Variants in PNPLA7 observed in about 807,000 individuals in gnomAD.
The protein encoded by PNPLA7 is patatin-like phospholipase domain-containing protein 7.
PNPLA7 carries 153 observed loss-of-function variants against 161.7 expected under a neutral mutation model. The observed-to-expected ratio is 0.95, with a 90% CI of 0.83 to 1.08. The LOEUF (loss-of-function observed/expected upper bound fraction) is 1.08. Among genes scored for constraint, PNPLA7 ranks in the 50% least tolerant of loss-of-function variants. PNPLA7 has a pLI of 0.00. For missense variants in PNPLA7, 1,739 were observed against 1,856.6 expected (o/e 0.94, Z 1.16); for synonymous variants, 809 against 782.1 (o/e 1.03, Z -0.57).
intron 8 of PNPLA7, among the ~76,000 whole-genome samples, chr9:137,533,557 C>T (rs1328213129): frequency 3.4e-5 from 5 of 148,106 alleles, no homozygotes; most frequent in Non-Finnish European, 7.4e-5. Flanking sequence ...TCCTCCCCAA[C>T]AATGTCCACT....
chr9:137,501,606 T>C, intron 15 of PNPLA7, 44 bp downstream of exon 15: 5 of 1,573,000 alleles, frequency 3.2e-6, no homozygotes, highest in South Asian at 1.1e-5. Flanking sequence ...CACTGGGCTA[T>C]GGCATTGGGT....
intron 11 of PNPLA7, among the ~76,000 whole-genome samples, chr9:137,519,424 GAAC>G (rs1009365595): frequency 1.6e-4 from 24 of 152,204 alleles, no homozygotes; most frequent in African/African-American, 5.3e-4. Context: ...AGAATTCTGG[GAAC>G]AACTGAAGAA....
Position 137,479,156 on chromosome 9 carries a change from G to T in PNPLA7, c.2663C>A (p.Ala888Glu). 2.5e-6 allele frequency: 4 copies of T among 1,575,160 alleles called. No individual in the cohort carries two copies. Among genetic ancestry groups the T allele is most frequent in the Admixed American group, 1.8e-5 (1 of 54,452 alleles). ...CATGTTGAGCCACTCCACGGTGCGCGCTGGCGCCGGGCCCTCCTCCCTGTG... is the reference window on the plus strand; with the variant it reads ...CATGTTGAGCCACTCCACGGTGCGCTCTGGCGCCGGGCCCTCCTCCCTGTG... Reference protein sequence around the residue: ...LLHREEGPAPARTVEWLNMRS... With the variant: ...LLHREEGPAPERTVEWLNMRS... Residue 888 changes from alanine (A) to glutamate (E), a missense_variant, in exon 24 of 35, where the codon GCG becomes GAG. Around this residue, in one of 6 missense-constraint regions of PNPLA7, gnomAD observed 703 missense variants for 694.6 expected, o/e 1.01. Transcript: ENST00000406427.
At chr9:137,545,457 A>G (rs572038952) in intron 4 of PNPLA7, among the ~76,000 whole-genome samples, 15 of 152,266 alleles carry the variant, frequency 9.9e-5, no homozygotes, top group African/African-American at 3.4e-4. Context: ...TGTTCCTAGA[A>G]AGCAGCTTTC....
At position 137,521,700 on chromosome 9, in the gene PNPLA7, A is replaced by G. The variant is rs750717742; in HGVS notation, c.893T>C (p.Leu298Pro). The change falls in exon 10 of 35, where the codon CTG (leucine) becomes CCG (proline). Residue 298 changes from leucine (L) to proline (P), a missense_variant. Physicochemically the swap from Leu to Pro is moderately conservative, Grantham distance 98. This residue lies in a region of PNPLA7 where 152 missense variants were observed against 193.5 expected (regional missense o/e 0.79). Transcript: ENST00000406427. ...CAGAGCCAGAAAGGTCACCCTCTGC[A>G]GCCGCACCATGATGATCTGCAAGAA... ...VRVVQIIMVR[L>P]QRVTFLALHN... is the part of the protein sequence containing the mutation. 34 of 1,611,172 alleles carry G rather than the reference A, an allele frequency of 2.1e-5. No individual in the cohort carries two copies. Among genetic ancestry groups the G allele is most frequent in the Non-Finnish European group, 2.9e-5 (34 of 1,179,804 alleles).
intron 26 of PNPLA7, among the ~76,000 whole-genome samples, chr9:137,466,124 C>T (rs530800605): frequency 3.9e-5 from 6 of 152,300 alleles, no homozygotes; most frequent in Admixed American, 6.5e-5. Context: ...GACAGCCCCA[C>T]GGCCCCCAGC....
intron 12 of PNPLA7, among the ~76,000 whole-genome samples, chr9:137,511,195 C>T (rs182554196): frequency 3.3e-5 from 5 of 152,078 alleles, no homozygotes; most frequent in South Asian, 2.1e-4. Flanking sequence ...GGAAGGCACC[C>T]GTTACTTAGT....
rs770282400 is a variant in PNPLA7 at position 137,462,164 on chromosome 9, G to A, written c.3645+15C>T. On this transcript the variant is annotated intron_variant, in intron 31 of 34. Coordinates refer to ENST00000406427, the MANE Select transcript of PNPLA7 (RefSeq NM_001098537.3). ...CCTCCGCCCGCCTCCGCCGCCGCGG[G>A]TGGCCGGCACTCACGCAGATCTCGT... is the stretch of plus-strand genomic sequence containing the variant. The A allele has an allele frequency of 1.3e-6, 2 of 1,555,142 alleles. No individual in the cohort carries two copies. Among genetic ancestry groups the A allele is most frequent in the East Asian group, 4.6e-5 (2 of 43,792 alleles).
At position 137,462,223 on chromosome 9, in the gene PNPLA7, C is replaced by A; in HGVS notation, c.3601G>T (p.Asp1201Tyr). The A allele has an allele frequency of 6.2e-7, 1 of 1,603,340 alleles. No homozygotes were observed. The highest frequency in any genetic ancestry group is 8.5e-7 in the Non-Finnish European group (1 of 1,174,236). Residue 1201 changes from aspartate to tyrosine, a missense_variant, in exon 31 of 35, where the codon GAC becomes TAC. By Grantham distance (160) the Asp-to-Tyr change is radical (BLOSUM62 -3). This residue lies in a region of PNPLA7 where 703 missense variants were observed against 694.6 expected (regional missense o/e 1.01). Transcript: ENST00000406427. Reference protein sequence around the residue: ...DYCEYLRPPIDSYSTLDFGKF... With the variant: ...DYCEYLRPPIYSYSTLDFGKF... ...CCGAAGTCCAGGGTGCTGTAGCTGTCGATGGGGGGGCGCAGGTACTCGCAG... is the reference window on the plus strand; with the variant it reads ...CCGAAGTCCAGGGTGCTGTAGCTGTAGATGGGGGGGCGCAGGTACTCGCAG...
intron 16 of PNPLA7, among the ~76,000 whole-genome samples, 161 bp from the exon 17 acceptor site, chr9:137,498,406 GC>G (rs1325779323): frequency 1.3e-5 from 2 of 152,250 alleles, no homozygotes; most frequent in Non-Finnish European, 2.9e-5. Flanking sequence ...CCAGTCAGCT[GC>G]CTGCCCCACG....
chr9:137,511,363 G>A (rs996188058), intron 12 of PNPLA7, among the ~76,000 whole-genome samples: 1 of 151,678 alleles, frequency 6.6e-6, no homozygotes, highest in African/African-American at 2.4e-5. Context: ...CCGTTACTTA[G>A]TGGACCTTGG....
chr9:137,492,269 C>T (rs987585625), intron 20 of PNPLA7: 1 of 985,220 alleles, frequency 1.0e-6, no homozygotes, highest in Non-Finnish European at 1.2e-6. Flanking sequence ...AGAGAGAGCA[C>T]TCTCCGCTCC....
intron 8 of PNPLA7, among the ~76,000 whole-genome samples, chr9:137,529,801 G>A (rs1353877280): frequency 2.0e-5 from 3 of 151,548 alleles, no homozygotes; most frequent in Non-Finnish European, 4.4e-5. Flanking sequence ...GGGATTACAG[G>A]CACACACCAC....
Position 137,547,097 on chromosome 9 carries a change from T to C in PNPLA7, c.194-188A>G, listed in dbSNP as rs1313390868. 6.6e-6 allele frequency among the ~76,000 whole-genome samples: 1 copy of C among 152,176 alleles called. No individual in the cohort carries two copies. Among genetic ancestry groups the C allele is most frequent in the African/African-American group, 2.4e-5 (1 of 41,450 alleles). ...AAAGGGGGCTCTCCCCTCTTCCCAC[T>C]GAAGCCTTGCTCAGGAGAGGAGAAC... On this transcript the variant is annotated intron_variant, in intron 3 of 34. Coordinates refer to ENST00000406427, the MANE Select transcript of PNPLA7 (RefSeq NM_001098537.3). This position sits in a 1 kb window ranked among gnomAD's most constrained non-coding sequence, Gnocchi z 4.6.
At chr9:137,491,956 G>T (rs765395703) in intron 20 of PNPLA7, 3 of 985,472 alleles carry the variant, frequency 3.0e-6, no homozygotes, top group Non-Finnish European at 3.6e-6. Flanking sequence ...TGCAGGACAC[G>T]CGGGAGCAGC....
rs1831575814 is a variant in PNPLA7, at chr9:137,468,492, C to T, written c.2883-1019G>A. On this transcript the variant is annotated intron_variant, in intron 25 of 34. Coordinates refer to ENST00000406427, the MANE Select transcript of PNPLA7 (RefSeq NM_001098537.3). The surrounding 1 kb of genome is among the most constrained non-coding windows in gnomAD (Gnocchi z 4.0). ...GGGTACAAAGTAGACAAGGGAAGAGCACCCAGCTCTAAGGAGGGAGCTCGG... is the reference window on the plus strand; with the variant it reads ...GGGTACAAAGTAGACAAGGGAAGAGTACCCAGCTCTAAGGAGGGAGCTCGG... Among the ~76,000 whole-genome samples, 1 of 152,202 alleles carries T rather than the reference C, an allele frequency of 6.6e-6. No homozygotes were observed. The highest frequency in any genetic ancestry group is 2.1e-4 in the South Asian group (1 of 4,826).
At position 137,467,464 on chromosome 9, in the gene PNPLA7, G is replaced by A. The variant is rs558615529; in HGVS notation, c.2892C>T (p.Ala964=). 172 of 1,612,894 alleles carry A rather than the reference G, an allele frequency of 1.1e-4. No individual in the cohort carries two copies. In the Middle Eastern group the frequency reaches 1.6e-3, roughly 15 times the overall value. ...VLGGGGARGC[A]QVGVLKALAE... is the part of the protein sequence containing the mutation. ...CCAAGGCCTTGAGAACGCCCACCTG[G>A]GCACAGCCTCTACACCAGCCAGGGA... is the stretch of plus-strand genomic sequence containing the variant. The change falls in exon 26 of 35, where the codon GCC becomes GCT. Residue 964 remains alanine (A), a synonymous_variant. Transcript: ENST00000406427. This position sits in a 1 kb window ranked among gnomAD's most constrained non-coding sequence, Gnocchi z 5.1.
At chr9:137,469,227 G>T (rs562451464) in intron 25 of PNPLA7, among the ~76,000 whole-genome samples, 4 of 152,224 alleles carry the variant, frequency 2.6e-5, no homozygotes, top group African/African-American at 9.6e-5. Flanking sequence ...ATACAAGATG[G>T]GTCAGAAACA....
At position 137,460,736 on chromosome 9, in the gene PNPLA7, G is replaced by C; in HGVS notation, c.3843C>G (p.Asp1281Glu). The C allele has an allele frequency of 1.9e-6, 3 of 1,612,142 alleles. No individual in the cohort carries two copies. The highest frequency in any genetic ancestry group is 1.3e-5 in the African/African-American group (1 of 75,022). ...CGTACTCCGTCTGGTAGTCAGATTCGTCTGGCACCGAGGGTAGGGCTGCGT... is the reference window on the plus strand; with the variant it reads ...CGTACTCCGTCTGGTAGTCAGATTCCTCTGGCACCGAGGGTAGGGCTGCGT... ...IEPAKPAMVD[D>E]ESDYQTEYEE... Residue 1281 changes from aspartate to glutamate, a missense_variant and splice_region_variant, in exon 34 of 35, where the codon GAC (aspartate) becomes GAG (glutamate). Asp to Glu is a conservative substitution (Grantham distance 45). This residue lies in a region of PNPLA7 where 703 missense variants were observed against 694.6 expected (regional missense o/e 1.01). Transcript: ENST00000406427.
Sources: gnomAD v4.1 joint callset for allele counts (sites outside exome capture counted in the v4.1 genomes callset) on GRCh38, gnomAD v4.1.1 for gene constraint, gnomAD v4.1.1 regional missense constraint, Gnocchi (gnomAD v3.1) non-coding constraint, MANE v1.5 for transcripts, NCBI Gene and HGNC (gene_info 2026-07-23, HGNC 2026-07-21) for gene names.